Variants in NCAM1 observed in about 807,000 individuals in gnomAD.
The protein encoded by NCAM1 is antigen recognized by monoclonal antibody 5.1H11.
NCAM1 carries 14 observed loss-of-function variants against 109.8 expected under a neutral mutation model. The observed-to-expected ratio is 0.13, with a 90% CI of 0.08 to 0.20. The LOEUF (loss-of-function observed/expected upper bound fraction) is 0.20. Among genes scored for constraint, NCAM1 ranks in the 10% least tolerant of loss-of-function variants. The pLI is 1.00. For synonymous variants in NCAM1, 418 were observed against 442.9 expected, an observed-to-expected ratio of 0.94 and a Z score of 0.70; for missense variants, 774 against 1,109.9, an observed-to-expected ratio of 0.70 and a Z score of 4.30.
At chr11:113,048,022 C>G (rs530670031) in intron 1 of NCAM1, among the ~76,000 whole-genome samples, 1 of 152,260 alleles carries the variant, frequency 6.6e-6, no homozygotes, top group South Asian at 2.1e-4. Context: ...CAGCTTGCTG[C>G]AGTAACACCT....
intron 1 of NCAM1, among the ~76,000 whole-genome samples, chr11:112,975,120 T>G (rs1272408820): frequency 3.9e-5 from 6 of 151,982 alleles, no homozygotes; most frequent in Non-Finnish European, 5.9e-5. Context: ...TTCAAGGGAT[T>G]GACAATTTAA....
At chr11:112,973,908 C>A (rs1435018944) in intron 1 of NCAM1, among the ~76,000 whole-genome samples, 2 of 152,040 alleles carry the variant, frequency 1.3e-5, no homozygotes, top group African/African-American at 4.8e-5. Flanking sequence ...CCTATGAAAG[C>A]AAAGCCTAGT....
At chr11:113,160,399 G>A (rs894056742) in intron 1 of NCAM1, among the ~76,000 whole-genome samples, 2 of 152,244 alleles carry the variant, frequency 1.3e-5, no homozygotes, top group African/African-American at 2.4e-5. Context: ...CATGAAGTCC[G>A]AGGGCCCCTT....
At chr11:113,068,696 AC>A (rs1938104011) in intron 1 of NCAM1, among the ~76,000 whole-genome samples, 1 of 152,110 alleles carries the variant, frequency 6.6e-6, no homozygotes, top group Non-Finnish European at 1.5e-5. Context: ...TAAACATTCT[AC>A]CAAAAGGATC....
intron 14 of NCAM1, 76 bp downstream of exon 14, chr11:113,235,240 C>A: frequency 1.2e-6 from 2 of 1,610,974 alleles, no homozygotes; most frequent in South Asian, 1.1e-5. Context: ...CCTGAGCTGG[C>A]CCATGTCATT....
intron 1 of NCAM1, among the ~76,000 whole-genome samples, chr11:113,195,985 A>G (rs1943844226): frequency 6.6e-6 from 1 of 151,876 alleles, no homozygotes; most frequent in South Asian, 2.1e-4. Context: ...AACACACAGC[A>G]TGACCTTGTG....
chr11:113,132,274 T>A (rs1437996760), intron 1 of NCAM1, among the ~76,000 whole-genome samples: 1 of 152,178 alleles, frequency 6.6e-6, no homozygotes, highest in African/African-American at 2.4e-5. Flanking sequence ...AAATAATGTC[T>A]GTAAAATATG....
chr11:113,056,115 G>T (rs1016312435), intron 1 of NCAM1, among the ~76,000 whole-genome samples: 5 of 148,258 alleles, frequency 3.4e-5, no homozygotes, highest in Non-Finnish European at 7.4e-5. Context: ...CAACATGGAT[G>T]GAACCGGAGG....
At chr11:113,156,211 G>C (rs149150272) in intron 1 of NCAM1, among the ~76,000 whole-genome samples, 5 of 152,330 alleles carry the variant, frequency 3.3e-5, no homozygotes, top group Middle Eastern at 3.4e-3. Context: ...GACTTACTAA[G>C]AGGAAGACAT....
intron 1 of NCAM1, among the ~76,000 whole-genome samples, chr11:113,000,293 G>C (rs146681925): frequency 1.3e-5 from 2 of 152,224 alleles, no homozygotes; most frequent in African/African-American, 4.8e-5. Context: ...GAGAGAGCCA[G>C]GTGTGGAACA....
rs78645852 is a variant in NCAM1, at chr11:113,235,073, C to G, written c.1734C>G (p.Pro578=). ...EGIVTIVGLK[P]ETTYAVRLAA... ...TCGTCACCATCGTGGGCCTGAAGCC[C>G]GAAACAACGTACGCCGTAAGGCTGG... is the stretch of plus-strand genomic sequence containing the variant. Residue 578 remains proline (P), a synonymous_variant, in exon 14 of 20, where the codon CCC becomes CCG. Coordinates refer to ENST00000316851, the MANE Select transcript of NCAM1 (RefSeq NM_181351.5). 1.2e-5 allele frequency: 19 copies of G among 1,582,066 alleles called. No individual in the cohort carries two copies. The African/African-American group carries it at 1.9e-4, about 16-fold the overall frequency.
At position 113,273,123 on chromosome 11, in the gene NCAM1, G is replaced by A. The variant is rs1555125840; in HGVS notation, c.2456+1247G>A. Reference sequence around the variant, plus strand: ...GCCTGACTCAAACTCTGTACCGGCTGGCCAGGCCACCCCTTCCAAGGGGCC... The same window carrying A: ...GCCTGACTCAAACTCTGTACCGGCTAGCCAGGCCACCCCTTCCAAGGGGCC... On this transcript the variant is annotated intron_variant, in intron 19 of 19. Coordinates refer to ENST00000316851, the MANE Select transcript of NCAM1 (RefSeq NM_181351.5). This position sits in a 1 kb window ranked among gnomAD's most constrained non-coding sequence, Gnocchi z 6.0. 2 of 451,572 alleles carry A rather than the reference G, an allele frequency of 4.4e-6. No individual in the cohort carries two copies. Among genetic ancestry groups the A allele is most frequent in the Non-Finnish European group, 9.0e-6 (2 of 223,434 alleles). 28.0% of individuals were successfully genotyped at this position (451,572 alleles called of 1,614,324 possible). A position where few individuals can be genotyped will look rare whatever the true frequency, so the allele number is the denominator to read the frequency against.
At chr11:113,004,423 C>T (rs1404158145) in intron 1 of NCAM1, among the ~76,000 whole-genome samples, 4 of 151,672 alleles carry the variant, frequency 2.6e-5, no homozygotes, top group East Asian at 3.9e-4. Context: ...ACCCGGGAGG[C>T]GGAGGTTGCA....
intron 9 of NCAM1, among the ~76,000 whole-genome samples, chr11:113,223,896 A>G (rs1321802198): frequency 6.6e-6 from 1 of 152,236 alleles, no homozygotes; most frequent in East Asian, 1.9e-4. Flanking sequence ...CCACTAGTCT[A>G]GACTCACGGG....
chr11:113,110,674 T>C (rs1359792468), intron 1 of NCAM1, among the ~76,000 whole-genome samples: 1 of 152,204 alleles, frequency 6.6e-6, no homozygotes, highest in East Asian at 1.9e-4. Context: ...TGAGAAATCA[T>C]AACAAAACAC....
At position 113,184,947 on chromosome 11, in the gene NCAM1, T is replaced by C. The variant is rs544228982; in HGVS notation, c.53-17432T>C. Among the ~76,000 whole-genome samples, 9 of 151,998 alleles carry C rather than the reference T, an allele frequency of 5.9e-5. No individual in the cohort carries two copies. The South Asian group carries it at 1.5e-3, about 25-fold the overall frequency. On this transcript the variant is annotated intron_variant, in intron 1 of 19. Coordinates refer to ENST00000316851, the MANE Select transcript of NCAM1 (RefSeq NM_181351.5). ...GAAAAATATGATGTTTTCATGTATA[T>C]TGATGTACTAGTCTGGGTTCTCCAG...
At chr11:113,145,692 T>G (rs781885841) in intron 1 of NCAM1, among the ~76,000 whole-genome samples, 1 of 152,190 alleles carries the variant, frequency 6.6e-6, no homozygotes, top group Non-Finnish European at 1.5e-5. Context: ...TTCCACTTCA[T>G]GTGTGTGTCA....
chr11:113,270,042 A>G, intron 17 of NCAM1, 146 bp from the exon 18 acceptor site: 2 of 735,984 alleles, frequency 2.7e-6, no homozygotes, highest in Non-Finnish European at 4.7e-6. Context: ...TGGGGCATAG[A>G]AGGTCCCCAG....
intron 1 of NCAM1, among the ~76,000 whole-genome samples, chr11:113,030,366 A>T (rs1337686963): frequency 2.0e-5 from 3 of 152,178 alleles, no homozygotes; most frequent in Non-Finnish European, 4.4e-5. Context: ...GTACTTTAGG[A>T]GTATATATTG....
Sources: gnomAD v4.1 joint callset for allele counts (sites outside exome capture counted in the v4.1 genomes callset) on GRCh38, gnomAD v4.1.1 for gene constraint, Gnocchi (gnomAD v3.1) non-coding constraint, MANE v1.5 for transcripts, NCBI Gene and HGNC (gene_info 2026-07-23, HGNC 2026-07-21) for gene names.